Variants in STARD13 observed in about 807,000 individuals in gnomAD.
STARD13 encodes the protein stAR-related lipid transfer protein 13.
Under a neutral mutation model 106.4 loss-of-function variants are expected in STARD13, and 62 were observed. The observed-to-expected ratio is 0.58, with a 90% CI of 0.48 to 0.72. STARD13 has a LOEUF of 0.72. STARD13 is among the 30% of genes least tolerant of loss of function. STARD13 has a pLI of 0.00. For synonymous variants in STARD13, 565 were observed against 553.0 expected, an observed-to-expected ratio of 1.02 and a Z score of -0.31; for missense variants, 1,387 against 1,424.0, an observed-to-expected ratio of 0.97 and a Z score of 0.42.
the STARD13 span, among the ~76,000 whole-genome samples, chr13:33,465,201 CTTTTTTT>C: frequency 3.3e-5 from 2 of 60,678 alleles, no homozygotes; most frequent in Non-Finnish European, 3.7e-5. Flanking sequence ...TGGTCTTCTT[CTTTTTTT>C]TTTTTTTTTT....
chr13:33,345,434 C>T (rs552148604), downstream of STARD13, among the ~76,000 whole-genome samples: 2 of 152,242 alleles, frequency 1.3e-5, no homozygotes, highest in South Asian at 4.2e-4. Context: ...GGGAGGAGGC[C>T]ATGTGGTACA....
At chr13:33,124,309 T>C (rs1876817038) in intron 7 of STARD13, among the ~76,000 whole-genome samples, 1 of 152,202 alleles carries the variant, frequency 6.6e-6, no homozygotes, top group African/African-American at 2.4e-5. Context: ...GGGTGCATTA[T>C]AAGGTGGTGA....
intron 1 of STARD13, among the ~76,000 whole-genome samples, chr13:33,324,149 C>A (rs1893657239): frequency 6.6e-6 from 1 of 152,192 alleles, no homozygotes; most frequent in Non-Finnish European, 1.5e-5. Flanking sequence ...AAAAACAGAG[C>A]AGATATTTTT....
chr13:33,312,715 A>G (rs1893189043), intron 1 of STARD13, among the ~76,000 whole-genome samples: 3 of 152,228 alleles, frequency 2.0e-5, no homozygotes, highest in African/African-American at 7.2e-5. Context: ...ATGTGGCAAC[A>G]TGGCTTTCCT....
the STARD13 span, among the ~76,000 whole-genome samples, chr13:33,662,397 G>C: frequency 6.6e-6 from 1 of 152,144 alleles, no homozygotes; most frequent in African/African-American, 2.4e-5. Context: ...TAAAAATGAA[G>C]TAAAAATTTG....
chr13:33,124,141 A>G (rs918947881), intron 7 of STARD13, among the ~76,000 whole-genome samples: 11 of 152,180 alleles, frequency 7.2e-5, no homozygotes, highest in African/African-American at 2.4e-4. Context: ...CGGAAAAGCC[A>G]GGTTTTGATT....
chr13:33,486,449 A>G, the STARD13 span, among the ~76,000 whole-genome samples: 1 of 152,212 alleles, frequency 6.6e-6, no homozygotes, highest in Admixed American at 6.5e-5. Context: ...TAGGAGATTA[A>G]CAACAATATC....
In STARD13 at chr13:33,136,318, A is replaced by G. The variant is rs145539760; in HGVS notation, c.387+5992T>C. Among the ~76,000 whole-genome samples, 73 of 152,322 alleles carry G rather than the reference A, an allele frequency of 4.8e-4. No homozygotes were observed. In the East Asian group the frequency reaches 0.014, roughly 29 times the overall value. ...ACATATACGCACACTTTCAATAAAA[A>G]TCTGAACAGTTTTTGTAATTCTTTT... On this transcript the variant is annotated intron_variant, in intron 4 of 13. Transcript: ENST00000336934.
the STARD13 span, among the ~76,000 whole-genome samples, chr13:33,450,289 A>G: frequency 6.6e-6 from 1 of 152,166 alleles, no homozygotes; most frequent in African/African-American, 2.4e-5. Flanking sequence ...AGTTTTTATT[A>G]TGAAGAGATG....
the STARD13 span, among the ~76,000 whole-genome samples, chr13:33,376,166 C>G: frequency 6.6e-6 from 1 of 152,022 alleles, no homozygotes; most frequent in African/African-American, 2.4e-5. Context: ...GCTTTAAGCA[C>G]AGGTGACAAA....
the STARD13 span, among the ~76,000 whole-genome samples, chr13:33,468,588 C>A: frequency 1.3e-5 from 2 of 151,448 alleles, no homozygotes; most frequent in East Asian, 3.9e-4. Context: ...CTCCCCCACT[C>A]TCTCTCTCAT....
the STARD13 span, among the ~76,000 whole-genome samples, chr13:33,675,519 G>T: frequency 2.6e-5 from 4 of 152,244 alleles, no homozygotes; most frequent in Middle Eastern, 3.4e-3. Context: ...ATGCCCTGGG[G>T]ACTTACATGG....
the STARD13 span, among the ~76,000 whole-genome samples, chr13:33,379,129 C>G: frequency 4.6e-5 from 7 of 152,168 alleles, no homozygotes; most frequent in African/African-American, 1.7e-4. Flanking sequence ...AAACAAGAAA[C>G]GTGATCTGAC....
At chr13:33,526,683 A>C in the STARD13 span, among the ~76,000 whole-genome samples, 1 of 150,820 alleles carries the variant, frequency 6.6e-6, no homozygotes, top group Non-Finnish European at 1.5e-5. Context: ...CCTCCTCTGT[A>C]AAACTAGAAG....
chr13:33,464,619 G>A, the STARD13 span, among the ~76,000 whole-genome samples: 2 of 152,234 alleles, frequency 1.3e-5, no homozygotes, highest in Non-Finnish European at 2.9e-5. Context: ...GGAGGCCGAG[G>A]GGGGCAGATC....
the STARD13 span, among the ~76,000 whole-genome samples, chr13:33,508,072 C>G: frequency 4.1e-4 from 63 of 152,222 alleles, 1 homozygote; most frequent in Admixed American, 3.6e-3. Context: ...GTATCTGCCT[C>G]CCAACTTTCA....
At chr13:33,261,282 T>C (rs748056897) in intron 1 of STARD13, among the ~76,000 whole-genome samples, 3 of 152,158 alleles carry the variant, frequency 2.0e-5, no homozygotes, top group Non-Finnish European at 4.4e-5. Flanking sequence ...GGATGCCTCT[T>C]AGCATCCCAC....
At chr13:33,467,124 T>A in the STARD13 span, among the ~76,000 whole-genome samples, 2 of 152,112 alleles carry the variant, frequency 1.3e-5, no homozygotes, top group African/African-American at 4.8e-5. Context: ...TACATCCTAA[T>A]AATAGGATGT....
the STARD13 span, among the ~76,000 whole-genome samples, chr13:33,471,630 C>A: frequency 1.4e-5 from 2 of 143,506 alleles, no homozygotes; most frequent in African/African-American, 2.9e-5. Context: ...ATATTGGCCC[C>A]CTGTTTTTTT....
Sources: gnomAD v4.1 joint callset for allele counts (sites outside exome capture counted in the v4.1 genomes callset) on GRCh38, gnomAD v4.1.1 for gene constraint, MANE v1.5 for transcripts, NCBI Gene and HGNC (gene_info 2026-07-23, HGNC 2026-07-21) for gene names.